Variants in PFKL observed in about 807,000 individuals in gnomAD.
PFKL encodes ATP-dependent 6-phosphofructokinase, liver type.
In PFKL, 74 loss-of-function variants were observed where a neutral mutation model predicts 92.1. The ratio of observed to expected loss-of-function variants is 0.80; its 90% CI spans 0.67 to 0.97. The LOEUF is 0.97. Ranked by LOEUF, PFKL falls within the 50% of genes least tolerant of loss-of-function variation. PFKL has a pLI of 0.00. For missense variants in PFKL, 1,028 were observed against 1,116.6 expected, an observed-to-expected ratio of 0.92 and a Z score of 1.13; for synonymous variants, 494 against 456.4, an observed-to-expected ratio of 1.08 and a Z score of -1.05.
chr21:44,323,592 C>T (rs1308497318), intron 15 of PFKL, among the ~76,000 whole-genome samples, 174 bp from the exon 16 acceptor site: 1 of 152,112 alleles, frequency 6.6e-6, no homozygotes, highest in African/African-American at 2.4e-5. Context: ...GAGATGACAC[C>T]AGGCTGACTG....
intron 9 of PFKL, among the ~76,000 whole-genome samples, chr21:44,318,216 A>G (rs1196486840): frequency 6.6e-6 from 1 of 152,102 alleles, no homozygotes; most frequent in Admixed American, 6.6e-5. Flanking sequence ...GGTGGGTCGC[A>G]TTGCATGGCA....
At chr21:44,325,880 G>A in intron 19 of PFKL, 81 bp from the exon 20 acceptor site, 2 of 1,000,852 alleles carry the variant, frequency 2.0e-6, no homozygotes, top group South Asian at 1.4e-5. Flanking sequence ...GGCTCCCCGT[G>A]GGGATCCTGT....
chr21:44,315,193 G>A (rs990103440), intron 7 of PFKL: 8 of 152,336 alleles, frequency 5.3e-5, no homozygotes, highest in African/African-American at 1.9e-4. Context: ...GGCTCCAGTG[G>A]TGACCTTGGC....
intron 11 of PFKL, chr21:44,319,747 C>A: frequency 1.9e-6 from 1 of 520,930 alleles, no homozygotes; most frequent in Non-Finnish European, 3.4e-6. Flanking sequence ...GGGTACCACC[C>A]CCCTGCAGGC....
chr21:44,318,487 G>T lies in PFKL; in HGVS notation c.954G>T (p.Met318Ile). ...CCCCACAGAGCAGCAAGATGGGCAT[G>T]GAGGCGGTGATGGCGCTGCTGGAAG... Reference protein sequence around the residue: ...FDRILSSKMGMEAVMALLEAT... With the variant: ...FDRILSSKMGIEAVMALLEAT... The change falls in exon 10 of 22, where the codon ATG becomes ATT. Residue 318 changes from methionine to isoleucine, a missense_variant. Physicochemically the swap from Met to Ile is conservative, Grantham distance 10 (BLOSUM62 1). Transcript: ENST00000349048. The T allele has an allele frequency of 6.4e-7, 1 of 1,563,202 alleles. No individual in the cohort carries two copies.
chr21:44,305,781 C>G (rs145983002), intron 1 of PFKL: 10 of 1,366,024 alleles, frequency 7.3e-6, no homozygotes, highest in Non-Finnish European at 4.9e-6. Context: ...CCGCCTCCCC[C>G]GTTAATGTCC....
At chr21:44,311,551 C>T (rs1449766553) in intron 3 of PFKL, among the ~76,000 whole-genome samples, 4 of 152,228 alleles carry the variant, frequency 2.6e-5, no homozygotes, top group Admixed American at 6.5e-5. Context: ...CGTGCCCCAT[C>T]GCACAGGGAC....
At chr21:44,306,002 C>G in intron 1 of PFKL, 2 of 1,159,594 alleles carry the variant, frequency 1.7e-6, no homozygotes, top group Middle Eastern at 6.2e-4. Flanking sequence ...CGGAGGGGCT[C>G]TGTTCTCAGT....
chr21:44,322,067 C>T, intron 13 of PFKL, 66 bp from the exon 14 acceptor site: 1 of 1,532,580 alleles, frequency 6.5e-7, no homozygotes, highest in Non-Finnish European at 8.9e-7. Context: ...CGGGCACAGG[C>T]CCACCCCTGG....
intron 7 of PFKL, 190 bp from the exon 8 acceptor site, chr21:44,316,054 G>GA: frequency 1.6e-6 from 1 of 607,776 alleles, no homozygotes; most frequent in South Asian, 1.9e-5. Flanking sequence ...AGGGCGGGGC[G>GA]TCCTAGTGGG....
In PFKL at chr21:44,305,366, G is replaced by T. The variant is rs2040903202; in HGVS notation, c.86-1315G>T. The T allele has an allele frequency of 2.2e-6, 3 of 1,365,878 alleles. No homozygotes were observed. The African/African-American group carries it at 4.4e-5, about 20-fold the overall frequency. The allele number at this position is 1,365,878 out of a possible 1,614,324, so 84.6% of individuals were successfully genotyped here. On this transcript the variant is annotated intron_variant, in intron 1 of 21. Transcript: ENST00000349048. ...GTAGAGGTCGAGAGTCCTCTCGTGG[G>T]GGTCTCCATGTTCAAGGGAGCTGCC...
At chr21:44,302,854 T>C (rs967796745) in intron 1 of PFKL, among the ~76,000 whole-genome samples, 3 of 152,204 alleles carry the variant, frequency 2.0e-5, no homozygotes, top group Non-Finnish European at 4.4e-5. Flanking sequence ...CCTTTCCTGT[T>C]GGCCAGGGGT....
At chr21:44,304,310 T>C (rs1334919130) in intron 1 of PFKL, 2 of 1,289,022 alleles carry the variant, frequency 1.6e-6, no homozygotes, top group Non-Finnish European at 1.0e-6. Flanking sequence ...CCTGCTGAGA[T>C]GGCTGTGACC....
At chr21:44,324,803 T>C (rs1029146017) in intron 17 of PFKL, 53 bp from the exon 18 acceptor site, 1 of 1,590,812 alleles carries the variant, frequency 6.3e-7, no homozygotes, top group Middle Eastern at 1.7e-4. Context: ...CCGGTCAGCC[T>C]GGAATTCCCT....
intron 3 of PFKL, 85 bp downstream of exon 3, chr21:44,311,168 A>ACG (rs1207552320): frequency 1.0e-6 from 1 of 983,020 alleles, no homozygotes; most frequent in Non-Finnish European, 1.5e-6. Context: ...AGACACACAC[A>ACG]CAGAGACAGA....
In PFKL at chr21:44,318,607, G is replaced by C. The variant is rs780944555; in HGVS notation, c.1062+12G>C. The C allele has an allele frequency of 3.4e-6, 5 of 1,458,990 alleles. No homozygotes were observed. The highest frequency in any genetic ancestry group is 1.4e-5 in the African/African-American group (1 of 69,518). The allele number at this position is 1,458,990 out of a possible 1,614,324, so 90.4% of individuals were successfully genotyped here. On this transcript the variant is annotated intron_variant, in intron 10 of 21. Coordinates refer to ENST00000349048, the MANE Select transcript of PFKL (RefSeq NM_002626.6). ...AGTGCGTGCAGATGGTAAGCCCTGG[G>C]CCCCCCCCATCAGAACCGCCTGGCC...
chr21:44,327,185 A>C lies in PFKL; in HGVS notation c.*323A>C. 1 of 406,170 alleles carries C rather than the reference A, an allele frequency of 2.5e-6. No individual in the cohort carries two copies. The highest frequency in any genetic ancestry group is 4.6e-6 in the Non-Finnish European group (1 of 215,990). 25.2% of individuals were successfully genotyped at this position (406,170 alleles called of 1,614,324 possible). A position where few individuals can be genotyped will look rare whatever the true frequency, so the allele number is the denominator to read the frequency against. On this transcript the variant is annotated 3_prime_UTR_variant, in exon 22 of 22. Coordinates refer to ENST00000349048, the MANE Select transcript of PFKL (RefSeq NM_002626.6). ...CCCCATGGGCCCTCAGCGTCTCCCCATGCTGGGCTCACTACATGGGCCAGC... is the reference window on the plus strand; with the variant it reads ...CCCCATGGGCCCTCAGCGTCTCCCCCTGCTGGGCTCACTACATGGGCCAGC...
chr21:44,318,442 G>T (rs760370298), intron 9 of PFKL, 28 bp from the exon 10 acceptor site: 4 of 1,469,660 alleles, frequency 2.7e-6, no homozygotes, highest in Non-Finnish European at 3.6e-6. Context: ...GACCAAGTGG[G>T]TGTGCCAGCC....
intron 1 of PFKL, among the ~76,000 whole-genome samples, chr21:44,303,441 A>AAAAAAAAAAGACGTGATCG (rs1555874962): frequency 1.0e-5 from 1 of 97,096 alleles, no homozygotes; most frequent in Non-Finnish European, 1.9e-5. Context: ...ACCAAAAAAA[A>AAAAAAAAAAGACGTGATCG]AAAAAAAAAA....
Sources: allele counts gnomAD v4.1 joint callset (sites outside exome capture counted in the v4.1 genomes callset), GRCh38; gene constraint gnomAD v4.1.1; transcripts MANE v1.5; gene names NCBI Gene and HGNC (gene_info 2026-07-23, HGNC 2026-07-21).